The following TACC2 variants were observed in gnomAD, a reference collection of about 807,000 sequenced individuals.
TACC2 encodes transforming acidic coiled-coil-containing protein 2.
In TACC2, 137 loss-of-function variants were observed where a neutral mutation model predicts 227.3. The ratio of observed to expected loss-of-function variants is 0.60; its 90% CI spans 0.52 to 0.69. The LOEUF is 0.69. Ranked by LOEUF, TACC2 falls within the 30% of genes least tolerant of loss-of-function variation. TACC2 has a pLI of 0.00. For synonymous variants in TACC2, 1,523 were observed against 1,487.5 expected (o/e 1.02, Z -0.55); for missense variants, 3,470 against 3,694.4 (o/e 0.94, Z 1.57).
intron 1 of TACC2, among the ~76,000 whole-genome samples, chr10:122,011,841 C>T (rs1288976644): frequency 1.3e-5 from 2 of 152,164 alleles, no homozygotes; most frequent in African/African-American, 4.8e-5. Flanking sequence ...TGCAAAGAGT[C>T]CTGAACCAGG....
intron 3 of TACC2, among the ~76,000 whole-genome samples, chr10:122,068,603 A>C (rs1020462604): frequency 6.6e-6 from 1 of 151,174 alleles, no homozygotes; most frequent in Non-Finnish European, 1.5e-5. Flanking sequence ...GAGGTACTCC[A>C]CTCTGGCCGG....
At chr10:122,214,149 C>G (rs959592582) in intron 9 of TACC2, among the ~76,000 whole-genome samples, 9 of 152,262 alleles carry the variant, frequency 5.9e-5, no homozygotes, top group Admixed American at 5.9e-4. Flanking sequence ...GCCGGCCAGT[C>G]CAGGTGGCCA....
chr10:122,078,516 C>G (rs961069473), intron 3 of TACC2, among the ~76,000 whole-genome samples: 1 of 152,208 alleles, frequency 6.6e-6, no homozygotes, highest in African/African-American at 2.4e-5. Flanking sequence ...CTGTGTACAT[C>G]TGGTCTGTGA....
At chr10:122,062,439 G>A (rs1328110855) in intron 3 of TACC2, among the ~76,000 whole-genome samples, 1 of 151,840 alleles carries the variant, frequency 6.6e-6, no homozygotes, top group East Asian at 1.9e-4. Flanking sequence ...GAGTAGCTGG[G>A]ATTACAGGCA....
intron 7 of TACC2, among the ~76,000 whole-genome samples, chr10:122,193,870 G>A (rs141193711): frequency 8.5e-5 from 13 of 152,152 alleles, no homozygotes; most frequent in Middle Eastern, 3.4e-3. Context: ...TTGAGTCACC[G>A]GTGGAAGCAG....
At chr10:122,054,239 A>G (rs191294024) in intron 3 of TACC2, among the ~76,000 whole-genome samples, 291 of 152,332 alleles carry the variant, frequency 1.9e-3, no homozygotes, top group African/African-American at 6.7e-3. Flanking sequence ...GTTGTAACTT[A>G]GCCCAGCGTA....
intron 3 of TACC2, among the ~76,000 whole-genome samples, chr10:122,055,832 G>A (rs960950032): frequency 1.3e-5 from 2 of 152,218 alleles, no homozygotes; most frequent in African/African-American, 2.4e-5. Context: ...GTGCGTATGC[G>A]GGCAATAGGG....
rs373045311 is a variant in TACC2 at position 122,071,836 on chromosome 10, G to T, written c.147-10811G>T. ...CAGAAGGTGGAGGTTGCAGTAAGCCGAGATTGCGCCACTGCACTCCAGCCT... is the reference window on the plus strand; with the variant it reads ...CAGAAGGTGGAGGTTGCAGTAAGCCTAGATTGCGCCACTGCACTCCAGCCT... On this transcript the variant is annotated intron_variant, in intron 3 of 22. Coordinates refer to ENST00000369005, the MANE Select transcript of TACC2 (RefSeq NM_206862.4). Among the ~76,000 whole-genome samples the T allele has an allele frequency of 7.1e-4, 105 of 147,238 alleles. 1 individual carries two copies. The highest frequency in any genetic ancestry group is 2.5e-3 in the African/African-American group (101 of 40,026).
rs766065502 is a variant in TACC2, at chr10:122,211,581, A to G, written c.7156A>G (p.Lys2386Glu). Residue 2386 changes from lysine (K) to glutamate (E), a missense_variant, in exon 9 of 23, where the codon AAG (lysine) becomes GAG (glutamate). Lys to Glu is a moderately conservative substitution (Grantham distance 56). This residue lies in a region of TACC2 where 593 missense variants were observed against 636.6 expected (regional missense o/e 0.93). Coordinates refer to ENST00000369005, the MANE Select transcript of TACC2 (RefSeq NM_206862.4). ...ESVDPFKTSS[K>E]TPSSPSKSPA... ...CGTTGACCCCTTTAAGACATCCTCT[A>G]AGACCCCCAGCTCACCTTCTAAATC... The G allele has an allele frequency of 2.1e-5, 34 of 1,613,936 alleles. No individual in the cohort carries two copies. The South Asian group carries it at 3.4e-4, about 16-fold the overall frequency.
chr10:122,081,690 CTTT>C (rs1452120947), intron 3 of TACC2, among the ~76,000 whole-genome samples: 4 of 152,122 alleles, frequency 2.6e-5, no homozygotes, highest in Non-Finnish European at 5.9e-5. Context: ...GAGTGTTTCA[CTTT>C]TTTTCGCCAC....
intron 7 of TACC2, among the ~76,000 whole-genome samples, chr10:122,165,835 C>T (rs2093130399): frequency 6.6e-6 from 1 of 152,160 alleles, no homozygotes; most frequent in South Asian, 2.1e-4. Context: ...TATTTGGGGC[C>T]AGTGCCATTG....
At chr10:122,055,664 G>A (rs919387835) in intron 3 of TACC2, among the ~76,000 whole-genome samples, 1 of 152,152 alleles carries the variant, frequency 6.6e-6, no homozygotes, top group Non-Finnish European at 1.5e-5. Context: ...CCCATGACAC[G>A]AGTTCACCTG....
At chr10:122,225,370 A>G (rs781568719) in intron 12 of TACC2, among the ~76,000 whole-genome samples, 2 of 152,206 alleles carry the variant, frequency 1.3e-5, no homozygotes, top group African/African-American at 2.4e-5. Flanking sequence ...CTTTCTTTGC[A>G]TTAGTCATAG....
In TACC2 at chr10:122,084,464, A is replaced by G; in HGVS notation, c.1964A>G (p.Asp655Gly). 1 of 1,613,142 alleles carries G rather than the reference A, an allele frequency of 6.2e-7. No individual in the cohort carries two copies. Among genetic ancestry groups the G allele is most frequent in the Non-Finnish European group, 8.5e-7 (1 of 1,180,024 alleles). Residue 655 changes from aspartate to glycine, a missense_variant, in exon 4 of 23, where the codon GAT (aspartate) becomes GGT (glycine). Asp to Gly is a moderately conservative substitution (Grantham distance 94). This residue lies in a region of TACC2 where 1,924 missense variants were observed against 1,978.3 expected (regional missense o/e 0.97). Transcript: ENST00000369005. Reference sequence around the variant, plus strand: ...CCCCACTCTCAGACAGCAGAGGCTGATGCATCTGGCCTACCACACAAGCTG... The same window carrying G: ...CCCCACTCTCAGACAGCAGAGGCTGGTGCATCTGGCCTACCACACAAGCTG... ...DGPHSQTAEA[D>G]ASGLPHKLGE...
At chr10:122,003,792 A>G (rs992685526) in intron 1 of TACC2, among the ~76,000 whole-genome samples, 3 of 151,884 alleles carry the variant, frequency 2.0e-5, no homozygotes, top group African/African-American at 4.8e-5. Context: ...AATGGCTGGG[A>G]CTACAGGTGC....
chr10:122,205,979 A>G lies in TACC2; in HGVS notation c.5972-4418A>G, dbSNP rs2095091732. Among the ~76,000 whole-genome samples the G allele has an allele frequency of 2.0e-5, 3 of 152,220 alleles. No homozygotes were observed. In the South Asian group the frequency reaches 6.2e-4, roughly 32 times the overall value. The stretch of plus-strand genomic sequence containing the variant: ...TACAAAGCCATGCTCTCTGTGTAGG[A>G]GACCATCTACCCGTGATGCGGCAGC... On this transcript the variant is annotated intron_variant, in intron 8 of 22. Coordinates refer to ENST00000369005, the MANE Select transcript of TACC2 (RefSeq NM_206862.4). This position sits in a 1 kb window ranked among gnomAD's most constrained non-coding sequence, Gnocchi z 4.5.
At chr10:122,236,669 G>A (rs1236941567) in intron 16 of TACC2, among the ~76,000 whole-genome samples, 1 of 152,242 alleles carries the variant, frequency 6.6e-6, no homozygotes, top group Non-Finnish European at 1.5e-5. Context: ...AGTTGGGTGG[G>A]TTGGGGTGGT....
chr10:122,087,121 C>T lies in TACC2; in HGVS notation c.4621C>T (p.Leu1541=). 1.2e-6 allele frequency: 2 copies of T among 1,609,930 alleles called. No homozygotes were observed. Among genetic ancestry groups the T allele is most frequent in the Non-Finnish European group, 1.7e-6 (2 of 1,178,690 alleles). The part of the protein sequence containing the change: ...PEGPGAAWPG[L]EGQAYSQLER... ...GGGGCCTGGGGCAGCCTGGCCAGGCCTGGAAGGCCAGGCTTACTCACAGCT... is the reference window on the plus strand; with the variant it reads ...GGGGCCTGGGGCAGCCTGGCCAGGCTTGGAAGGCCAGGCTTACTCACAGCT... The change falls in exon 4 of 23, where the codon CTG becomes TTG. Residue 1541 remains leucine, a synonymous_variant. Coordinates refer to ENST00000369005, the MANE Select transcript of TACC2 (RefSeq NM_206862.4).
rs548767728 is a variant in TACC2 at position 122,158,105 on chromosome 10, G to C, written c.5834+14399G>C. Among the ~76,000 whole-genome samples the C allele has an allele frequency of 3.3e-5, 5 of 152,206 alleles. No homozygotes were observed. In the East Asian group the frequency reaches 7.7e-4, roughly 24 times the overall value. Reference sequence around the variant, plus strand: ...AAATAAAAGTGAGTCTCGACTGGCTGTGAGATTACAGGTGGCTCACACTTG... The same window carrying C: ...AAATAAAAGTGAGTCTCGACTGGCTCTGAGATTACAGGTGGCTCACACTTG... On this transcript the variant is annotated intron_variant, in intron 7 of 22. Transcript: ENST00000369005.
Sources: gnomAD v4.1 joint callset for allele counts (sites outside exome capture counted in the v4.1 genomes callset) on GRCh38, gnomAD v4.1.1 for gene constraint, gnomAD v4.1.1 regional missense constraint, Gnocchi (gnomAD v3.1) non-coding constraint, MANE v1.5 for transcripts, NCBI Gene and HGNC (gene_info 2026-07-23, HGNC 2026-07-21) for gene names.